PPDPF: variants seen among roughly 807,000 people sequenced by gnomAD.
The protein encoded by PPDPF is exocrine differentiation and proliferation factor.
Under a neutral mutation model 6.3 loss-of-function variants are expected in PPDPF, and 11 were observed. That is an observed-to-expected ratio of 1.76 (90% confidence interval 1.11 to 2.91). The LOEUF is 2.91. PPDPF is among the 30% of genes most tolerant of loss of function. The pLI is 0.00. For synonymous variants in PPDPF, 86 were observed against 64.5 expected, an observed-to-expected ratio of 1.33 and a Z score of -1.60; for missense variants, 202 against 159.4, an observed-to-expected ratio of 1.27 and a Z score of -1.44.
intron 2 of PPDPF, 72 bp downstream of exon 2, chr20:63,521,435 A>G (rs1234029073): frequency 2.5e-6 from 4 of 1,582,152 alleles, no homozygotes; most frequent in Non-Finnish European, 3.4e-6. Context: ...CAGGCTGCGG[A>G]ACCAGCGCTC....
chr20:63,521,026 G>C lies in PPDPF; in HGVS notation c.-26+132G>C, dbSNP rs182214678. 352 of 713,300 alleles carry C rather than the reference G, an allele frequency of 4.9e-4. 1 individual carries two copies. The African/African-American group carries it at 5.9e-3, about 12-fold the overall frequency. The allele number at this position is 713,300 out of a possible 1,614,324, so 44.2% of individuals were successfully genotyped here. On this transcript the variant is annotated intron_variant, in intron 1 of 3. Transcript: ENST00000370179. ...TCGGGGTCCCCGGCGGGCTCCTCTC[G>C]GGTCGGGCGGGTTGGGACGGCGCCC...
rs943267119 is a variant in PPDPF, at chr20:63,522,030, G to A, written c.*151G>A. On this transcript the variant is annotated 3_prime_UTR_variant, in exon 4 of 4. Coordinates refer to ENST00000370179, the MANE Select transcript of PPDPF (RefSeq NM_024299.4). Reference sequence around the variant, plus strand: ...AGGCGGCTGCAGCAAGCAGACCTTCGCATCAACACAGCAGACACCAAAAAC... The same window carrying A: ...AGGCGGCTGCAGCAAGCAGACCTTCACATCAACACAGCAGACACCAAAAAC... The A allele has an allele frequency of 2.1e-5, 14 of 677,180 alleles. No individual in the cohort carries two copies. The highest frequency in any genetic ancestry group is 5.6e-5 in the African/African-American group (3 of 53,530). The allele number at this position is 677,180 out of a possible 1,614,324, so 41.9% of individuals were successfully genotyped here. A position where few individuals can be genotyped will look rare whatever the true frequency, so the allele number is the denominator to read the frequency against.
In PPDPF at chr20:63,520,876, G is replaced by T; in HGVS notation, c.-44G>T. 1.0e-6 allele frequency: 1 copy of T among 992,154 alleles called. No individual in the cohort carries two copies. Among genetic ancestry groups the T allele is most frequent in the Non-Finnish European group, 1.2e-6 (1 of 834,956 alleles). The allele number at this position is 992,154 out of a possible 1,614,324, so 61.5% of individuals were successfully genotyped here. A position where few individuals can be genotyped will look rare whatever the true frequency, so the allele number is the denominator to read the frequency against. On this transcript the variant is annotated 5_prime_UTR_variant, in exon 1 of 4. Transcript: ENST00000370179. ...CACCCGTGATCGTGCGCCGAGGCCC[G>T]CGAGGGGTCGCCGCCCAGGTGAGGG...
In PPDPF at chr20:63,521,586, C is replaced by G. The variant is rs200982797; in HGVS notation, c.130C>G (p.Pro44Ala). 6.8e-6 allele frequency: 11 copies of G among 1,611,760 alleles called. No individual in the cohort carries two copies. The Admixed American group carries it at 1.7e-4, about 24-fold the overall frequency. ...ECPGEAIPHP[P>A]GLPKADPGHW... The stretch of plus-strand genomic sequence containing the variant: ...CCCCGGGGAAGCCATTCCCCACCCC[C>G]CAGGTGAGTGCAGGATCGCCCCTTT... Residue 44 changes from proline to alanine, a missense_variant, in exon 3 of 4, where the codon CCA (proline) becomes GCA (alanine). By Grantham distance (27) the Pro-to-Ala change is conservative. Coordinates refer to ENST00000370179, the MANE Select transcript of PPDPF (RefSeq NM_024299.4).
chr20:63,521,275 C>A lies in PPDPF; in HGVS notation c.-25-9C>A. 1 of 1,596,196 alleles carries A rather than the reference C, an allele frequency of 6.3e-7. No homozygotes were observed. The highest frequency in any genetic ancestry group is 8.5e-7 in the Non-Finnish European group (1 of 1,172,140). On this transcript the variant is annotated splice_polypyrimidine_tract_variant and intron_variant, in intron 1 of 3. Transcript: ENST00000370179. ...CTGACCCGAGGGGCTCCTCCACCCC[C>A]ATGCGCAGATCCCACCAGCCAGCAA...
chr20:63,521,026 G>A (rs182214678), intron 1 of PPDPF, 132 bp downstream of exon 1: 3 of 713,190 alleles, frequency 4.2e-6, no homozygotes, highest in Non-Finnish European at 3.8e-6. Flanking sequence ...GGCTCCTCTC[G>A]GGTCGGGCGG....
rs2082553775 is a variant in PPDPF at position 63,521,984 on chromosome 20, C to T, written c.*105C>T. On this transcript the variant is annotated 3_prime_UTR_variant, in exon 4 of 4. Transcript: ENST00000370179. ...CATCCCTCGCCCCCCTCCCCACCTCCCACCCCCCACCCTGTAAACTAGGCG... is the reference window on the plus strand; with the variant it reads ...CATCCCTCGCCCCCCTCCCCACCTCTCACCCCCCACCCTGTAAACTAGGCG... The T allele has an allele frequency of 2.4e-6, 2 of 816,798 alleles. No homozygotes were observed. Among genetic ancestry groups the T allele is most frequent in the African/African-American group, 1.9e-5 (1 of 53,710 alleles). 50.6% of individuals were successfully genotyped at this position (816,798 alleles called of 1,614,324 possible).
Position 63,521,851 on chromosome 20 carries a change from G to C in PPDPF, c.317G>C (p.Ser106Thr). Residue 106 changes from serine (S) to threonine (T), a missense_variant, in exon 4 of 4, where the codon AGC (serine) becomes ACC (threonine). Transcript: ENST00000370179. Reference protein sequence around the residue: ...APRKQPGGQSSTASAGPPS With the variant: ...APRKQPGGQSTTASAGPPS ...AGGAAGCAGCCCGGCGGTCAGTCCAGCACAGCCAGCGCTGGGCCCCCGTCC... is the reference window on the plus strand; with the variant it reads ...AGGAAGCAGCCCGGCGGTCAGTCCACCACAGCCAGCGCTGGGCCCCCGTCC... 3 of 1,602,386 alleles carry C rather than the reference G, an allele frequency of 1.9e-6. No homozygotes were observed. The highest frequency in any genetic ancestry group is 2.6e-6 in the Non-Finnish European group (3 of 1,175,494).
rs2082548153 is a variant in PPDPF at position 63,521,658 on chromosome 20, C to T, written c.134-10C>T. 1 of 1,613,424 alleles carries T rather than the reference C, an allele frequency of 6.2e-7. No individual in the cohort carries two copies. ...CTGGCAGCATCAAGACCCCACTTCG[C>T]TTCTCTCAGGTCTCCCCAAGGCTGA... is the stretch of plus-strand genomic sequence containing the variant. On this transcript the variant is annotated splice_polypyrimidine_tract_variant and intron_variant, in intron 3 of 3. Transcript: ENST00000370179.
At position 63,521,992 on chromosome 20, in the gene PPDPF, C is replaced by G. The variant is rs1476667847; in HGVS notation, c.*113C>G. 4 of 804,534 alleles carry G rather than the reference C, an allele frequency of 5.0e-6. No homozygotes were observed. The highest frequency in any genetic ancestry group is 2.4e-5 in the Admixed American group (1 of 42,090). 49.8% of individuals were successfully genotyped at this position (804,534 alleles called of 1,614,324 possible). On this transcript the variant is annotated 3_prime_UTR_variant, in exon 4 of 4. Coordinates refer to ENST00000370179, the MANE Select transcript of PPDPF (RefSeq NM_024299.4). Reference sequence around the variant, plus strand: ...GCCCCCCTCCCCACCTCCCACCCCCCACCCTGTAAACTAGGCGGCTGCAGC... The same window carrying G: ...GCCCCCCTCCCCACCTCCCACCCCCGACCCTGTAAACTAGGCGGCTGCAGC...
Position 63,520,832 on chromosome 20 carries a change from C to T in PPDPF, c.-88C>T. Reference sequence around the variant, plus strand: ...CTTCTCTGCAAATGGGCTCCGTGGCCTAGCGCCCCCGTCCCCGCCACCCGT... The same window carrying T: ...CTTCTCTGCAAATGGGCTCCGTGGCTTAGCGCCCCCGTCCCCGCCACCCGT... On this transcript the variant is annotated 5_prime_UTR_variant, in exon 1 of 4. Transcript: ENST00000370179. The T allele has an allele frequency of 3.0e-6, 3 of 986,554 alleles. No homozygotes were observed. The highest frequency in any genetic ancestry group is 3.6e-6 in the Non-Finnish European group (3 of 830,990). The allele number at this position is 986,554 out of a possible 1,614,324, so 61.1% of individuals were successfully genotyped here.
chr20:63,521,820 G>C lies in PPDPF; in HGVS notation c.286G>C (p.Ala96Pro), dbSNP rs571801099. The C allele has an allele frequency of 3.7e-6, 6 of 1,610,930 alleles. No individual in the cohort carries two copies. The highest frequency in any genetic ancestry group is 3.4e-6 in the Non-Finnish European group (4 of 1,179,502). The change falls in exon 4 of 4, where the codon GCC becomes CCC. Residue 96 changes from alanine (A) to proline (P), a missense_variant. By Grantham distance (27) the Ala-to-Pro change is conservative. Transcript: ENST00000370179. The part of the protein sequence containing the change: ...SMTACGLARD[A>P]PRKQPGGQSS... ...GACCGCCTGTGGCCTGGCTCGGGAC[G>C]CCCCGAGGAAGCAGCCCGGCGGTCA...
intron 1 of PPDPF, 115 bp from the exon 2 acceptor site, chr20:63,521,169 G>T (rs2082540576): frequency 3.8e-6 from 4 of 1,046,116 alleles, no homozygotes; most frequent in Non-Finnish European, 5.3e-6. Context: ...GCGGTGCCGG[G>T]AGCTGGGGAG....
In PPDPF at chr20:63,521,587, C is replaced by T. The variant is rs1330514396; in HGVS notation, c.131C>T (p.Pro44Leu). The change falls in exon 3 of 4, where the codon CCA becomes CTA. Residue 44 changes from proline (P) to leucine (L), a missense_variant and splice_region_variant. Transcript: ENST00000370179. ...CCCGGGGAAGCCATTCCCCACCCCC[C>T]AGGTGAGTGCAGGATCGCCCCTTTC... ...ECPGEAIPHP[P>L]GLPKADPGHW... is the part of the protein sequence containing the mutation. 2 of 1,611,490 alleles carry T rather than the reference C, an allele frequency of 1.2e-6. No homozygotes were observed. Among genetic ancestry groups the T allele is most frequent in the Middle Eastern group, 1.6e-4 (1 of 6,076 alleles).
chr20:63,521,418 C>T, intron 2 of PPDPF, 55 bp downstream of exon 2: 3 of 1,589,856 alleles, frequency 1.9e-6, no homozygotes, highest in Non-Finnish European at 1.7e-6. Flanking sequence ...CCAGTGCCGG[C>T]CCCGTGCAGG....
rs549606452 is a variant in PPDPF at position 63,520,776 on chromosome 20, G to C, written c.-144G>C. The C allele has an allele frequency of 5.1e-6, 5 of 984,654 alleles. No homozygotes were observed. In the South Asian group the frequency reaches 1.4e-4, roughly 28 times the overall value. The allele number at this position is 984,654 out of a possible 1,614,324, so 61.0% of individuals were successfully genotyped here. On this transcript the variant is annotated 5_prime_UTR_variant, in exon 1 of 4. Transcript: ENST00000370179. ...GTCCGCGCGTGCGCACCCCGCGCGC[G>C]CCTCTCTGTCGTGGCGCGGCTTCCC... is the stretch of plus-strand genomic sequence containing the variant.
rs946492185 is a variant in PPDPF, at chr20:63,521,743, C to T, written c.209C>T (p.Thr70Met). 2 of 1,613,128 alleles carry T rather than the reference C, an allele frequency of 1.2e-6. No homozygotes were observed. Among genetic ancestry groups the T allele is most frequent in the Admixed American group, 1.7e-5 (1 of 60,010 alleles). Residue 70 changes from threonine (T) to methionine (M), a missense_variant, in exon 4 of 4, where the codon ACG becomes ATG. Physicochemically the swap from Thr to Met is moderately conservative, Grantham distance 81. Coordinates refer to ENST00000370179, the MANE Select transcript of PPDPF (RefSeq NM_024299.4). ...AAGTCCACCCTCCCGTTCATGGCCA[C>T]GGTGTTGGAGTCCGCAGAGCACTCG... ...FGKSTLPFMA[T>M]VLESAEHSEP...
rs2082537178 is a variant in PPDPF at position 63,520,795 on chromosome 20, G to A, written c.-125G>A. 2 of 981,534 alleles carry A rather than the reference G, an allele frequency of 2.0e-6. No homozygotes were observed. The highest frequency in any genetic ancestry group is 1.1e-4 in the East Asian group (1 of 8,722). 60.8% of individuals were successfully genotyped at this position (981,534 alleles called of 1,614,324 possible). Reference sequence around the variant, plus strand: ...GCGCGCGCCTCTCTGTCGTGGCGCGGCTTCCCGCGGTCTTCTCTGCAAATG... The same window carrying A: ...GCGCGCGCCTCTCTGTCGTGGCGCGACTTCCCGCGGTCTTCTCTGCAAATG... On this transcript the variant is annotated 5_prime_UTR_variant, in exon 1 of 4. Coordinates refer to ENST00000370179, the MANE Select transcript of PPDPF (RefSeq NM_024299.4).
intron 1 of PPDPF, among the ~76,000 whole-genome samples, 175 bp from the exon 2 acceptor site, chr20:63,521,109 G>A (rs2082540148): frequency 6.6e-6 from 1 of 152,020 alleles, no homozygotes; most frequent in Non-Finnish European, 1.5e-5. Flanking sequence ...TGTTCCACCC[G>A]CTCGGCCGGT....
Sources: allele counts gnomAD v4.1 joint callset (sites outside exome capture counted in the v4.1 genomes callset), GRCh38; gene constraint gnomAD v4.1.1; transcripts MANE v1.5; gene names NCBI Gene and HGNC (gene_info 2026-07-23, HGNC 2026-07-21).